The following CNTNAP3B variants were observed in gnomAD, a reference collection of about 807,000 sequenced individuals.
The protein encoded by CNTNAP3B is contactin-associated protein-like 3B.
Under a neutral mutation model 108.9 loss-of-function variants are expected in CNTNAP3B, and 25 were observed. That is an observed-to-expected ratio of 0.23 (90% CI 0.17 to 0.32). CNTNAP3B has a LOEUF of 0.32. Ranked by LOEUF, CNTNAP3B falls within the 10% of genes least tolerant of loss-of-function variation. The probability of loss-of-function intolerance (pLI) is 1.00; values close to 1 mark genes in which losing one functional copy is unlikely to be tolerated. For missense variants in CNTNAP3B, 252 were observed against 1,210.4 expected, an observed-to-expected ratio of 0.21 and a Z score of 11.75; for synonymous variants, 103 against 473.4, an observed-to-expected ratio of 0.22 and a Z score of 10.16.
In CNTNAP3B at chr9:42,029,273, A is replaced by T. The variant is rs184780965; in HGVS notation, c.391-15748T>A. On this transcript the variant is annotated intron_variant, in intron 3 of 23. Transcript: ENST00000377561. ...ACCTGATGGAGTAATTAAACAAAAA[A>T]GTTCCCATTTTTAATATGTCAGTTT... 3.7e-3 allele frequency among the ~76,000 whole-genome samples: 429 copies of T among 117,450 alleles called. 102 individuals are homozygous for T. The highest frequency in any genetic ancestry group is 0.014 in the African/African-American group (418 of 29,548). The allele number at this position is 117,450 out of a possible 152,430, so 77.1% of individuals were successfully genotyped here.
At chr9:41,915,842 G>T (rs1259340542) in intron 18 of CNTNAP3B, among the ~76,000 whole-genome samples, 6 of 150,300 alleles carry the variant, frequency 4.0e-5, no homozygotes, top group African/African-American at 7.4e-5. Context: ...ATCCTACTAG[G>T]TTTTGGTATA....
chr9:42,035,501 C>A (rs1484137587), intron 3 of CNTNAP3B, among the ~76,000 whole-genome samples: 1 of 146,632 alleles, frequency 6.8e-6, no homozygotes, highest in East Asian at 2.0e-4. Context: ...GAACCACTCA[C>A]TAAAGGTGGG....
intron 12 of CNTNAP3B, among the ~76,000 whole-genome samples, chr9:41,956,107 C>T (rs1382394560): frequency 1.3e-5 from 2 of 152,356 alleles, no homozygotes; most frequent in Middle Eastern, 3.4e-3. Flanking sequence ...TTGGTTGTGG[C>T]CAGGCGTGGT....
chr9:42,061,056 CT>C lies in CNTNAP3B; in HGVS notation c.390+15812del, dbSNP rs1335103193. ...ATTTCTTTCCTTCTTTAACTTTGAG[CT>C]TAGTTTGTTCTTGTTATTCTAGTTC... On this transcript the variant is annotated intron_variant, in intron 3 of 23. Transcript: ENST00000377561. 3.0e-5 allele frequency among the ~76,000 whole-genome samples: 3 copies of C among 99,722 alleles called. No individual in the cohort carries two copies. In the East Asian group the frequency reaches 8.9e-4, roughly 30 times the overall value. 65.4% of individuals were successfully genotyped at this position (99,722 alleles called of 152,430 possible).
intron 14 of CNTNAP3B, among the ~76,000 whole-genome samples, chr9:41,932,305 C>G (rs1442429015): frequency 6.6e-6 from 1 of 152,044 alleles, no homozygotes; most frequent in South Asian, 2.1e-4. Flanking sequence ...AGACTTTTTG[C>G]TTTTATTTTA....
At chr9:41,990,607 C>T (rs564268750) in intron 8 of CNTNAP3B, among the ~76,000 whole-genome samples, 15 of 132,540 alleles carry the variant, frequency 1.1e-4, no homozygotes, top group African/African-American at 3.9e-4. Context: ...TATGATATCC[C>T]CCTGGTCTCA....
intron 14 of CNTNAP3B, among the ~76,000 whole-genome samples, chr9:41,930,401 G>A (rs1169238385): frequency 1.3e-5 from 2 of 152,294 alleles, no homozygotes; most frequent in Non-Finnish European, 2.9e-5. Context: ...AAATTAGCTG[G>A]GTGTGATGGT....
intron 13 of CNTNAP3B, among the ~76,000 whole-genome samples, chr9:41,949,816 A>T: frequency 6.6e-6 from 1 of 152,124 alleles, no homozygotes; most frequent in Middle Eastern, 3.4e-3. Flanking sequence ...ATTTAGGGTT[A>T]GGTAAAGAAT....
At chr9:42,030,265 T>C in intron 3 of CNTNAP3B, among the ~76,000 whole-genome samples, 1 of 34,530 alleles carries the variant, frequency 2.9e-5, no homozygotes, top group Non-Finnish European at 4.8e-5. Flanking sequence ...AAAATTGTGA[T>C]CATCTTTTCT....
Position 41,953,209 on chromosome 9 carries a change from C to A in CNTNAP3B, c.2054G>T (p.Gly685Val), listed in dbSNP as rs781105387. ...RCEQRLALRC[G>V]TARRPDSRDG... is the part of the protein sequence containing the mutation. ...TCGTGAGTCCGGGCGCCGCGCTGTC[C>A]CGCAGCGCAGAGCCAGCCGCTGCTC... The change falls in exon 13 of 24, where the codon GGG (glycine) becomes GTG (valine). Residue 685 changes from glycine to valine, a missense_variant. Coordinates refer to ENST00000377561, the MANE Select transcript of CNTNAP3B (RefSeq NM_001201380.3). 4.6e-6 allele frequency: 7 copies of A among 1,529,898 alleles called. No homozygotes were observed. Among genetic ancestry groups the A allele is most frequent in the Non-Finnish European group, 6.1e-6 (7 of 1,148,004 alleles). 94.8% of individuals were successfully genotyped at this position (1,529,898 alleles called of 1,614,324 possible). A position where few individuals can be genotyped will look rare whatever the true frequency, so the allele number is the denominator to read the frequency against.
At chr9:42,065,005 CTCTTT>C (rs1177376476) in intron 3 of CNTNAP3B, among the ~76,000 whole-genome samples, 2 of 141,384 alleles carry the variant, frequency 1.4e-5, no homozygotes, top group Non-Finnish European at 3.1e-5. Context: ...AATGGTAGTT[CTCTTT>C]TAAGTTCTTT....
rs1326466737 is a variant in CNTNAP3B, at chr9:42,047,662, C to G, written c.390+29207G>C. Among the ~76,000 whole-genome samples, 2 of 12,188 alleles carry G rather than the reference C, an allele frequency of 1.6e-4. 1 individual carries two copies. Among genetic ancestry groups the G allele is most frequent in the Non-Finnish European group, 4.2e-4 (2 of 4,758 alleles). 8.0% of individuals were successfully genotyped at this position (12,188 alleles called of 152,430 possible). The stretch of plus-strand genomic sequence containing the variant: ...TCACCCTCCCCCTTCCCCCCTCCCC[C>G]CTTCTGCCCCTTCCTCCCTTCCTTC... On this transcript the variant is annotated intron_variant, in intron 3 of 23. Transcript: ENST00000377561.
In CNTNAP3B at chr9:41,932,490, G is replaced by A. The variant is rs1446816170; in HGVS notation, c.2238-3046C>T. ...GCAAAGAAAGCTAAAAGGGAGAAAT[G>A]TTGAGTCAACTTTTTAACTTTTTTT... On this transcript the variant is annotated intron_variant, in intron 14 of 23. Transcript: ENST00000377561. Among the ~76,000 whole-genome samples the A allele has an allele frequency of 2.1e-5, 3 of 143,236 alleles. No homozygotes were observed. The Admixed American group carries it at 2.1e-4, about 10-fold the overall frequency. 94.0% of individuals were successfully genotyped at this position (143,236 alleles called of 152,430 possible). A position where few individuals can be genotyped will look rare whatever the true frequency, so the allele number is the denominator to read the frequency against.
chr9:42,115,632 C>A lies in CNTNAP3B; in HGVS notation c.86-10893G>T, dbSNP rs867177111. Among the ~76,000 whole-genome samples, 99 of 123,892 alleles carry A rather than the reference C, an allele frequency of 8.0e-4. 17 individuals carry two copies. The highest frequency in any genetic ancestry group is 3.2e-3 in the African/African-American group (97 of 29,872). 81.3% of individuals were successfully genotyped at this position (123,892 alleles called of 152,430 possible). On this transcript the variant is annotated intron_variant, in intron 1 of 23. Coordinates refer to ENST00000377561, the MANE Select transcript of CNTNAP3B (RefSeq NM_001201380.3). ...GGACTGGACCTCCAGCAAACTCCAA[C>A]AGACCTGCAGCTGAGGGTCCTGACT...
Position 42,068,108 on chromosome 9 carries a change from A to G in CNTNAP3B, c.390+8761T>C, listed in dbSNP as rs572955148. Among the ~76,000 whole-genome samples, 22 of 128,760 alleles carry G rather than the reference A, an allele frequency of 1.7e-4. 3 individuals are homozygous for G. In the East Asian group the frequency reaches 4.1e-3, roughly 24 times the overall value. 84.5% of individuals were successfully genotyped at this position (128,760 alleles called of 152,430 possible). ...ACCAGCACACTTCTCTGATTTGTCA[A>G]TGTCACTGATTTAAAAATGAAAGTT... On this transcript the variant is annotated intron_variant, in intron 3 of 23. Transcript: ENST00000377561.
rs1437101438 is a variant in CNTNAP3B at position 42,035,320 on chromosome 9, T to C, written c.391-21795A>G. 2.7e-5 allele frequency among the ~76,000 whole-genome samples: 4 copies of C among 146,198 alleles called. 1 individual carries two copies. The highest frequency in any genetic ancestry group is 7.8e-5 in the African/African-American group (3 of 38,692). On this transcript the variant is annotated intron_variant, in intron 3 of 23. Coordinates refer to ENST00000377561, the MANE Select transcript of CNTNAP3B (RefSeq NM_001201380.3). ...AAGGTTCCACGAGGCTGACTTCTCC[T>C]ATGATTCAATTTTCAGATCAGATGC...
At chr9:42,078,918 A>C (rs1358582887) in intron 2 of CNTNAP3B, among the ~76,000 whole-genome samples, 1 of 151,676 alleles carries the variant, frequency 6.6e-6, no homozygotes, top group Non-Finnish European at 1.5e-5. Context: ...ATAATCACTC[A>C]ATTTAACAAT....
chr9:41,947,792 CA>C (rs1156458271), intron 13 of CNTNAP3B, among the ~76,000 whole-genome samples: 1 of 152,136 alleles, frequency 6.6e-6, no homozygotes, highest in African/African-American at 2.4e-5. Context: ...GACTGACAGA[CA>C]AAAAAAGATG....
intron 10 of CNTNAP3B, among the ~76,000 whole-genome samples, chr9:41,968,029 C>G (rs1394771796): frequency 1.3e-5 from 2 of 152,262 alleles, no homozygotes; most frequent in African/African-American, 2.4e-5. Flanking sequence ...ACTCTTGGGA[C>G]TTTAAGGTTA....
Sources: allele counts gnomAD v4.1 joint callset (sites outside exome capture counted in the v4.1 genomes callset), GRCh38; gene constraint gnomAD v4.1.1; transcripts MANE v1.5; gene names NCBI Gene and HGNC (gene_info 2026-07-23, HGNC 2026-07-21).